IL1RAP: variants seen among roughly 807,000 people sequenced by gnomAD.
The protein encoded by IL1RAP is interleukin-1 receptor accessory protein.
Under a neutral mutation model 60.7 loss-of-function variants are expected in IL1RAP, and 35 were observed. The ratio of observed to expected loss-of-function variants is 0.58; its 90% CI spans 0.44 to 0.76. The LOEUF (loss-of-function observed/expected upper bound fraction) is 0.76, where lower values mean the gene tolerates loss of function less well. IL1RAP is among the 30% of genes least tolerant of loss of function. IL1RAP has a pLI of 0.00. For missense variants in IL1RAP, 572 were observed against 693.9 expected (o/e 0.82, Z 1.97); for synonymous variants, 268 against 250.9 (o/e 1.07, Z -0.64).
At chr3:190,635,469 C>G (rs1733146256) in intron 9 of IL1RAP, among the ~76,000 whole-genome samples, 1 of 152,066 alleles carries the variant, frequency 6.6e-6, no homozygotes, top group African/African-American at 2.4e-5. Context: ...TTCTTCTTTT[C>G]CAATATAAGT....
chr3:190,546,760 A>G (rs571700965), intron 1 of IL1RAP, among the ~76,000 whole-genome samples: 1 of 152,338 alleles, frequency 6.6e-6, no homozygotes, highest in South Asian at 2.1e-4. Context: ...TGAGGTTACA[A>G]TGAGCCCTAT....
At chr3:190,617,296 A>G (rs1247590590) in intron 5 of IL1RAP, among the ~76,000 whole-genome samples, 1 of 152,122 alleles carries the variant, frequency 6.6e-6, no homozygotes, top group Non-Finnish European at 1.5e-5. Flanking sequence ...GGTTTCTTGA[A>G]TGGAAACACT....
chr3:190,586,731 C>T (rs989973961), intron 3 of IL1RAP, among the ~76,000 whole-genome samples: 6 of 151,870 alleles, frequency 4.0e-5, no homozygotes, highest in Admixed American at 6.5e-5. Flanking sequence ...GAGCTGCCTT[C>T]GAGGACAGCT....
chr3:190,514,965 G>A (rs1721382956), intron 1 of IL1RAP, among the ~76,000 whole-genome samples: 1 of 152,198 alleles, frequency 6.6e-6, no homozygotes, highest in South Asian at 2.1e-4. Context: ...GAGTTAAAGA[G>A]AAAATCACAA....
intron 1 of IL1RAP, among the ~76,000 whole-genome samples, chr3:190,554,182 C>G (rs867177071): frequency 3.7e-4 from 56 of 151,950 alleles, no homozygotes; most frequent in Admixed American, 8.5e-4. Flanking sequence ...AGGACTTTCT[C>G]CTTAGGATTC....
intron 3 of IL1RAP, among the ~76,000 whole-genome samples, chr3:190,594,993 T>C (rs950892841): frequency 6.6e-6 from 1 of 152,186 alleles, no homozygotes; most frequent in African/African-American, 2.4e-5. Flanking sequence ...TCTTTATAAT[T>C]GCATATTCCT....
chr3:190,592,050 C>T (rs1027537812), intron 3 of IL1RAP, among the ~76,000 whole-genome samples: 1 of 152,196 alleles, frequency 6.6e-6, no homozygotes, highest in African/African-American at 2.4e-5. Flanking sequence ...GATGGAATCT[C>T]GCTCTGTCTC....
At chr3:190,605,268 G>T (rs1422701032) in intron 4 of IL1RAP, among the ~76,000 whole-genome samples, 1 of 150,520 alleles carries the variant, frequency 6.6e-6, no homozygotes, top group Non-Finnish European at 1.5e-5. Flanking sequence ...TGAAAGTTTT[G>T]TAGATTTTAT....
chr3:190,648,662 G>T lies in IL1RAP; in HGVS notation c.1670G>T (p.Ser557Ile), dbSNP rs936102170. 1 of 1,614,086 alleles carries T rather than the reference G, an allele frequency of 6.2e-7. No individual in the cohort carries two copies. The highest frequency in any genetic ancestry group is 1.7e-5 in the Admixed American group (1 of 60,002). ...AAGAAAAGTCCCAGGCGGTCTAGCA[G>T]TGATGAGCAGGGCCTCTCGTATTCA... is the stretch of plus-strand genomic sequence containing the variant. ...PVKKSPRRSS[S>I]DEQGLSYSSL... is the part of the protein sequence containing the mutation. The change falls in exon 12 of 12, where the codon AGT becomes ATT. Residue 557 changes from serine to isoleucine, a missense_variant. By Grantham distance (142) the Ser-to-Ile change is moderately radical. Transcript: ENST00000447382.
At chr3:190,571,921 A>G (rs934948285) in intron 3 of IL1RAP, among the ~76,000 whole-genome samples, 2 of 151,894 alleles carry the variant, frequency 1.3e-5, no homozygotes, top group African/African-American at 4.8e-5. Context: ...TCTTCTTCCA[A>G]AGTGGCACAG....
intron 1 of IL1RAP, 191 bp from the exon 2 acceptor site, chr3:190,555,939 T>TCTATC (rs1725384521): frequency 6.9e-6 from 1 of 144,276 alleles, no homozygotes; most frequent in Non-Finnish European, 1.6e-5. Context: ...TATCTATCTA[T>TCTATC]CTATCTATCT....
chr3:190,517,195 G>T (rs1034365680), intron 1 of IL1RAP, among the ~76,000 whole-genome samples: 1 of 152,298 alleles, frequency 6.6e-6, no homozygotes, highest in South Asian at 2.1e-4. Flanking sequence ...CTACTCTCCT[G>T]TGTTGGATGT....
chr3:190,647,943 T>C (rs1354700910), intron 11 of IL1RAP, among the ~76,000 whole-genome samples: 1 of 152,178 alleles, frequency 6.6e-6, no homozygotes, highest in Non-Finnish European at 1.5e-5. Flanking sequence ...TGGGTTTCTT[T>C]GGTGAAGAAA....
intron 1 of IL1RAP, among the ~76,000 whole-genome samples, chr3:190,543,584 A>C (rs1472589534): frequency 6.6e-6 from 1 of 152,226 alleles, no homozygotes; most frequent in East Asian, 1.9e-4. Flanking sequence ...GTTTCATGAA[A>C]GAAGTGGTTT....
downstream of IL1RAP, chr3:190,656,361 C>T: frequency 6.5e-7 from 1 of 1,537,226 alleles, no homozygotes; most frequent in Non-Finnish European, 8.7e-7. Context: ...GAGGGAAGTC[C>T]TCCGCCACCT....
intron 2 of IL1RAP, chr3:190,563,597 T>C (rs1391941296): frequency 2.0e-5 from 3 of 152,212 alleles, no homozygotes; most frequent in Non-Finnish European, 2.9e-5. Context: ...CGAAAGATCA[T>C]AGAAAGTTGA....
chr3:190,576,938 A>G (rs1727518485), intron 3 of IL1RAP, among the ~76,000 whole-genome samples: 1 of 151,832 alleles, frequency 6.6e-6, no homozygotes, highest in Non-Finnish European at 1.5e-5. Context: ...CGTCTCTACT[A>G]AAAATACAAA....
At chr3:190,598,852 T>G (rs1377333477) in intron 3 of IL1RAP, among the ~76,000 whole-genome samples, 1 of 152,180 alleles carries the variant, frequency 6.6e-6, no homozygotes, top group African/African-American at 2.4e-5. Context: ...TATTTCATAT[T>G]TGGTCGAGTC....
intron 1 of IL1RAP, among the ~76,000 whole-genome samples, chr3:190,549,942 G>A (rs1250659481): frequency 1.3e-5 from 2 of 152,180 alleles, no homozygotes; most frequent in East Asian, 1.9e-4. Flanking sequence ...CTAGAAAGAG[G>A]GGAGCAGGCA....
Sources: gnomAD v4.1 joint callset for allele counts (sites outside exome capture counted in the v4.1 genomes callset) on GRCh38, gnomAD v4.1.1 for gene constraint, MANE v1.5 for transcripts, NCBI Gene and HGNC (gene_info 2026-07-23, HGNC 2026-07-21) for gene names.